The following PDE1C variants were observed in gnomAD, a reference collection of about 807,000 sequenced individuals.
PDE1C encodes phosphodiesterase 1C, also known as dual specificity calcium/calmodulin-dependent 3',5'-cyclic nucleotide phosphodiesterase 1C.
PDE1C carries 62 observed loss-of-function variants against 93.1 expected under a neutral mutation model. The ratio of observed to expected loss-of-function variants is 0.67; its 90% CI spans 0.54 to 0.82. The LOEUF (loss-of-function observed/expected upper bound fraction) is 0.82, where lower values mean the gene tolerates loss of function less well. Among genes scored for constraint, PDE1C ranks in the 40% least tolerant of loss-of-function variants. PDE1C has a pLI of 0.00. For missense variants in PDE1C, 742 were observed against 884.6 expected, an observed-to-expected ratio of 0.84 and a Z score of 2.04; for synonymous variants, 325 against 310.1, an observed-to-expected ratio of 1.05 and a Z score of -0.50.
intron 2 of PDE1C, among the ~76,000 whole-genome samples, chr7:31,967,727 A>G (rs1200565926): frequency 1.3e-5 from 2 of 152,186 alleles, no homozygotes; most frequent in South Asian, 2.1e-4. Context: ...CTGGCAAACC[A>G]AATCCAGCAG....
chr7:31,875,365 C>T (rs936659392), intron 5 of PDE1C, among the ~76,000 whole-genome samples: 1 of 152,054 alleles, frequency 6.6e-6, no homozygotes, highest in Non-Finnish European at 1.5e-5. Flanking sequence ...AGACGGATGT[C>T]CTCTTTGGTC....
In PDE1C at chr7:31,792,810, G is replaced by C. The variant is rs116087693; in HGVS notation, c.1891+16221C>G. ...ACAAAGTGTTAATAGGCCACTCTGTGTGTAACTGAGATGCATGACTTTTTG... is the reference window on the plus strand; with the variant it reads ...ACAAAGTGTTAATAGGCCACTCTGTCTGTAACTGAGATGCATGACTTTTTG... On this transcript the variant is annotated intron_variant, in intron 16 of 17. Coordinates refer to ENST00000396191, the MANE Select transcript of PDE1C (RefSeq NM_001191057.4). Among the ~76,000 whole-genome samples the C allele has an allele frequency of 3.0e-3, 459 of 152,246 alleles. 6 individuals are homozygous for C. The highest frequency in any genetic ancestry group is 0.01 in the African/African-American group (436 of 41,558).
chr7:32,111,903 G>A (rs945126048), intron 3 of PDE1C, among the ~76,000 whole-genome samples: 2 of 152,164 alleles, frequency 1.3e-5, no homozygotes, highest in African/African-American at 2.4e-5. Context: ...TCAAATAAAT[G>A]AAGCTGATTT....
intron 1 of PDE1C, among the ~76,000 whole-genome samples, chr7:32,295,875 G>A (rs1812584352): frequency 7.6e-6 from 1 of 132,040 alleles, no homozygotes. Flanking sequence ...GCCCGGGTGA[G>A]AGAGCGAGAC....
At chr7:31,718,275 C>T in the PDE1C span, among the ~76,000 whole-genome samples, 64,553 of 151,594 alleles carry the variant, frequency 0.43, 15,449 homozygotes, top group East Asian at 0.7. Context: ...AGATTGAGAC[C>T]GGGAGGAAGG....
rs930701470 is a variant in PDE1C, at chr7:32,359,230, C to A, written c.310+68592G>T. 3.9e-5 allele frequency among the ~76,000 whole-genome samples: 6 copies of A among 152,164 alleles called. No homozygotes were observed. In the East Asian group the frequency reaches 1.2e-3, roughly 29 times the overall value. ...ACCACCTCCCTTTCCCCGAACCCTG[C>A]TCCTTGGTTATAAATCCCCGTTTTT... On this transcript the variant is annotated intron_variant, in intron 1 of 1. Transcript: ENST00000672256.
chr7:31,734,031 C>G, the PDE1C span, among the ~76,000 whole-genome samples: 8 of 151,884 alleles, frequency 5.3e-5, no homozygotes, highest in Admixed American at 3.3e-4. Flanking sequence ...TTTTTTCATG[C>G]ATAAAAACGT....
intron 3 of PDE1C, among the ~76,000 whole-genome samples, chr7:32,085,518 C>G (rs1178719015): frequency 6.7e-6 from 1 of 149,316 alleles, no homozygotes; most frequent in African/African-American, 2.5e-5. Flanking sequence ...CCAGCATCAT[C>G]CTGATACCAA....
chr7:31,630,046 A>G, the PDE1C span, among the ~76,000 whole-genome samples: 1 of 152,176 alleles, frequency 6.6e-6, no homozygotes. Context: ...TAGAAAGCTG[A>G]ATGACAGAAG....
At chr7:31,739,382 G>A in the PDE1C span, among the ~76,000 whole-genome samples, 4 of 152,064 alleles carry the variant, frequency 2.6e-5, no homozygotes, top group South Asian at 2.1e-4. Context: ...AGAAATCTAC[G>A]CCATGGGTGA....
At chr7:32,189,391 T>G (rs1464992936) in intron 2 of PDE1C, among the ~76,000 whole-genome samples, 6 of 152,182 alleles carry the variant, frequency 3.9e-5, no homozygotes, top group Non-Finnish European at 8.8e-5. Context: ...TTTCTATAAT[T>G]TATACTTTCA....
chr7:31,880,880 T>A lies in PDE1C; in HGVS notation c.129-20A>T. 2 of 1,381,892 alleles carry A rather than the reference T, an allele frequency of 1.4e-6. No homozygotes were observed. Among genetic ancestry groups the A allele is most frequent in the Non-Finnish European group, 1.0e-6 (1 of 969,644 alleles). 85.6% of individuals were successfully genotyped at this position (1,381,892 alleles called of 1,614,324 possible). On this transcript the variant is annotated intron_variant, in intron 2 of 17. Transcript: ENST00000396191. Reference sequence around the variant, plus strand: ...CGTAATCTAGAAAAATAAAAAGACATAATTTCATTAGAATAGAGGAAACAA... The same window carrying A: ...CGTAATCTAGAAAAATAAAAAGACAAAATTTCATTAGAATAGAGGAAACAA...
chr7:32,068,359 G>T (rs575278043), intron 1 of PDE1C, among the ~76,000 whole-genome samples: 64 of 151,922 alleles, frequency 4.2e-4, no homozygotes, highest in Non-Finnish European at 7.4e-4. Flanking sequence ...TTGGTTTCCA[G>T]AGTCTTTAGC....
intron 1 of PDE1C, among the ~76,000 whole-genome samples, chr7:32,239,857 A>G (rs913298952): frequency 2.5e-4 from 38 of 152,228 alleles, no homozygotes; most frequent in African/African-American, 8.9e-4. Context: ...CTAGGCAAGT[A>G]TATGTGATTT....
chr7:32,013,603 T>C (rs1787464735), intron 2 of PDE1C, among the ~76,000 whole-genome samples: 1 of 151,980 alleles, frequency 6.6e-6, no homozygotes, highest in Admixed American at 6.6e-5. Flanking sequence ...CGAAGTAACT[T>C]GTGGAATGCT....
At chr7:32,330,207 A>G (rs1401792098) in intron 1 of PDE1C, among the ~76,000 whole-genome samples, 1 of 152,234 alleles carries the variant, frequency 6.6e-6, no homozygotes, top group African/African-American at 2.4e-5. Flanking sequence ...AGATGTAGGC[A>G]TTGTCTCCAT....
At chr7:31,617,294 T>C in the PDE1C span, among the ~76,000 whole-genome samples, 2 of 151,914 alleles carry the variant, frequency 1.3e-5, no homozygotes, top group African/African-American at 2.4e-5. Flanking sequence ...TTAATATAAA[T>C]GGGTTTCTCA....
At chr7:31,966,239 G>A (rs1347616961) in intron 2 of PDE1C, among the ~76,000 whole-genome samples, 2 of 152,062 alleles carry the variant, frequency 1.3e-5, no homozygotes, top group African/African-American at 4.8e-5. Context: ...ACACACATAG[G>A]CTCAAAATAA....
chr7:32,282,485 A>AATAGATAGCTAGATAGATAG lies in PDE1C; in HGVS notation c.85+16165_85+16166insCTATCTATCTAGCTATCTAT, dbSNP rs376678996. ...AAAGGCCAAACTCCATCAAAAAAAA[A>AATAGATAGCTAGATAGATAG]ATAGATAGATAGATAGATAGATAGA... On this transcript the variant is annotated intron_variant, in intron 1 of 18. Transcript: ENST00000396193. 1.6e-3 allele frequency among the ~76,000 whole-genome samples: 228 copies of AATAGATAGCTAGATAGATAG among 143,932 alleles called. 4 individuals are homozygous for AATAGATAGCTAGATAGATAG. The highest frequency in any genetic ancestry group is 3.7e-3 in the East Asian group (18 of 4,832). 94.4% of individuals were successfully genotyped at this position (143,932 alleles called of 152,430 possible). A position where few individuals can be genotyped will look rare whatever the true frequency, so the allele number is the denominator to read the frequency against.
Sources: allele counts gnomAD v4.1 joint callset (sites outside exome capture counted in the v4.1 genomes callset), GRCh38; gene constraint gnomAD v4.1.1; transcripts MANE v1.5; gene names NCBI Gene and HGNC (gene_info 2026-07-23, HGNC 2026-07-21).